The following MYLK4 variants were observed in gnomAD, a reference collection of about 807,000 sequenced individuals.
The protein encoded by MYLK4 is myosin light chain kinase family member 4.
A neutral mutation model predicts 48.1 loss-of-function variants in MYLK4; 46 were observed. The observed-to-expected ratio is 0.96, with a 90% CI of 0.75 to 1.22. The LOEUF is 1.22. Among genes scored for constraint, MYLK4 ranks in the 50% most tolerant of loss-of-function variants. The pLI is 0.00. For missense variants in MYLK4, 451 were observed against 486.1 expected, an observed-to-expected ratio of 0.93 and a Z score of 0.68; for synonymous variants, 170 against 180.8, an observed-to-expected ratio of 0.94 and a Z score of 0.48.
the MYLK4 span, chr6:2,770,280 C>T: frequency 1.1e-5 from 17 of 1,614,016 alleles, no homozygotes; most frequent in Admixed American, 1.7e-4. Flanking sequence ...TTAATGCGAG[C>T]GATCAACTCC....
chr6:2,713,388 G>A (rs4959705), intron 2 of MYLK4, among the ~76,000 whole-genome samples: 4,078 of 149,344 alleles, frequency 0.027, 85 homozygotes, highest in South Asian at 0.084. Context: ...AAAAAAAAAA[G>A]AAAAAAAGAA....
chr6:2,756,919 C>T, the MYLK4 span, among the ~76,000 whole-genome samples: 4 of 152,288 alleles, frequency 2.6e-5, no homozygotes, highest in Non-Finnish European at 4.4e-5. Context: ...CTCCTACCTT[C>T]TAAATTGGAA....
At chr6:2,683,434 T>TGTGTGTGTGTG (rs756575525) in intron 6 of MYLK4, among the ~76,000 whole-genome samples, 33 of 149,224 alleles carry the variant, frequency 2.2e-4, no homozygotes, top group Admixed American at 3.4e-4. Flanking sequence ...TGTGTGTGTG[T>TGTGTGTGTGTG]TTTGAGATGG....
Position 2,688,531 on chromosome 6 carries a change from T to C in MYLK4, c.341+320A>G, listed in dbSNP as rs565964350. On this transcript the variant is annotated intron_variant, in intron 4 of 12. Transcript: ENST00000274643. Reference sequence around the variant, plus strand: ...AATACAGGCCACAAAAACTACACGCTGTTGACTCATTTCTATCTTCTGTCT... The same window carrying C: ...AATACAGGCCACAAAAACTACACGCCGTTGACTCATTTCTATCTTCTGTCT... 1.4e-3 allele frequency among the ~76,000 whole-genome samples: 215 copies of C among 152,368 alleles called. 1 individual carries two copies. Among genetic ancestry groups the C allele is most frequent in the African/African-American group, 5.0e-3 (206 of 41,604 alleles).
chr6:2,753,520 C>T (rs1764347820), upstream of MYLK4, among the ~76,000 whole-genome samples: 1 of 152,180 alleles, frequency 6.6e-6, no homozygotes, highest in South Asian at 2.1e-4. Flanking sequence ...ATAAATTGCA[C>T]TTCTTCAAAA....
intron 2 of MYLK4, among the ~76,000 whole-genome samples, chr6:2,703,332 C>T (rs1257120298): frequency 6.6e-5 from 10 of 152,262 alleles, no homozygotes; most frequent in African/African-American, 2.4e-5. Context: ...AAAATATTTA[C>T]GCTATCCCTG....
At chr6:2,691,738 C>T (rs1761810023) in intron 3 of MYLK4, among the ~76,000 whole-genome samples, 1 of 152,204 alleles carries the variant, frequency 6.6e-6, no homozygotes, top group Admixed American at 6.5e-5. Context: ...TATTAATCAT[C>T]ATCTTTGTCT....
chr6:2,719,865 T>G (rs781112952), intron 2 of MYLK4, among the ~76,000 whole-genome samples: 3 of 152,226 alleles, frequency 2.0e-5, no homozygotes, highest in Non-Finnish European at 4.4e-5. Context: ...GGGCTGGATG[T>G]GGTGGCTCAC....
chr6:2,765,362 C>T, the MYLK4 span: 2 of 310,384 alleles, frequency 6.4e-6, no homozygotes, highest in Non-Finnish European at 5.7e-6. Context: ...GCGCGAGGCG[C>T]CTCCGCCGCC....
chr6:2,765,661 G>T, the MYLK4 span: 3 of 1,549,174 alleles, frequency 1.9e-6, no homozygotes, highest in East Asian at 2.6e-5. Flanking sequence ...CCTTCCTTTC[G>T]CAGCTGCACC....
At chr6:2,708,961 A>G (rs945160655) in intron 2 of MYLK4, among the ~76,000 whole-genome samples, 3 of 152,222 alleles carry the variant, frequency 2.0e-5, no homozygotes, top group South Asian at 2.1e-4. Flanking sequence ...CTTCTTCAGC[A>G]TGATAATAAC....
chr6:2,766,108 G>T, the MYLK4 span: 1 of 1,319,312 alleles, frequency 7.6e-7, no homozygotes, highest in South Asian at 2.2e-5. Context: ...AGGCGGAGGC[G>T]CAGGAGGAGG....
At chr6:2,724,547 C>T (rs1009634763) in intron 2 of MYLK4, among the ~76,000 whole-genome samples, 1 of 152,152 alleles carries the variant, frequency 6.6e-6, no homozygotes, top group Admixed American at 6.5e-5. Context: ...AAGGATAAAG[C>T]TTTTTACTCC....
chr6:2,725,585 G>GAA (rs59504068), intron 2 of MYLK4, among the ~76,000 whole-genome samples: 3,022 of 101,480 alleles, frequency 0.03, 109 homozygotes, highest in African/African-American at 0.096. Flanking sequence ...GAAAAAGAAA[G>GAA]AGAAAGAAAG....
At chr6:2,687,512 T>G (rs774757653) in intron 4 of MYLK4, among the ~76,000 whole-genome samples, 17 of 152,292 alleles carry the variant, frequency 1.1e-4, no homozygotes, top group Non-Finnish European at 2.2e-4. Flanking sequence ...TTTCAAAGCT[T>G]CTTCTGCAAA....
chr6:2,714,307 G>A (rs9503268), intron 2 of MYLK4, among the ~76,000 whole-genome samples: 32,207 of 152,120 alleles, frequency 0.21, 3,512 homozygotes, highest in African/African-American at 0.26. Context: ...AGTTACCCCC[G>A]CTTCTTAGAA....
intron 6 of MYLK4, among the ~76,000 whole-genome samples, chr6:2,684,693 A>T (rs534118363): frequency 2.0e-5 from 3 of 152,232 alleles, no homozygotes; most frequent in Admixed American, 6.5e-5. Context: ...TTTACAGTTT[A>T]TCAGGTATTG....
rs569481755 is a variant in MYLK4 at position 2,675,268 on chromosome 6, T to C, written c.1041-143A>G. 1.3e-5 allele frequency: 9 copies of C among 668,274 alleles called. No individual in the cohort carries two copies. The East Asian group carries it at 2.1e-4, about 16-fold the overall frequency. 41.4% of individuals were successfully genotyped at this position (668,274 alleles called of 1,614,324 possible). On this transcript the variant is annotated intron_variant, in intron 10 of 12. Transcript: ENST00000274643. ...TGGTCAATTCTGCCTTCTCTTGAAT[T>C]GTGTGCTATCAATGATGGCATAGGT... is the stretch of plus-strand genomic sequence containing the variant.
At chr6:2,698,500 G>A (rs1762153416) in intron 2 of MYLK4, among the ~76,000 whole-genome samples, 1 of 152,196 alleles carries the variant, frequency 6.6e-6, no homozygotes, top group Admixed American at 6.5e-5. Flanking sequence ...AGGACGCTGG[G>A]TCATGTACCC....
Sources: gnomAD v4.1 joint callset for allele counts (sites outside exome capture counted in the v4.1 genomes callset) on GRCh38, gnomAD v4.1.1 for gene constraint, MANE v1.5 for transcripts, NCBI Gene and HGNC (gene_info 2026-07-23, HGNC 2026-07-21) for gene names.